CDC25C: variants seen among roughly 807,000 people sequenced by gnomAD.
The protein encoded by CDC25C is M-phase inducer phosphatase 3.
CDC25C carries 48 observed loss-of-function variants against 52.5 expected under a neutral mutation model. That is an observed-to-expected ratio of 0.91 (90% CI 0.72 to 1.16). The LOEUF (loss-of-function observed/expected upper bound fraction) is 1.16, where lower values mean the gene tolerates loss of function less well. CDC25C is among the 50% of genes most tolerant of loss of function. The probability of loss-of-function intolerance (pLI) is 0.00; values close to 1 mark genes in which losing one functional copy is unlikely to be tolerated. For synonymous variants in CDC25C, 187 were observed against 206.5 expected (o/e 0.91, Z 0.81); for missense variants, 510 against 566.1 (o/e 0.90, Z 1.01).
At chr5:138,296,614 T>A (rs944763728) in intron 7 of CDC25C, among the ~76,000 whole-genome samples, 9 of 149,752 alleles carry the variant, frequency 6.0e-5, no homozygotes, top group African/African-American at 2.2e-4. Flanking sequence ...AATTATTTTT[T>A]TTTTTTTTTG....
At chr5:138,310,591 A>G (rs962262294) in intron 7 of CDC25C, among the ~76,000 whole-genome samples, 1 of 152,236 alleles carries the variant, frequency 6.6e-6, no homozygotes, top group Non-Finnish European at 1.5e-5. Flanking sequence ...CTATTAATTG[A>G]TAAGTATTGC....
At chr5:138,294,900 C>T (rs111811392) in intron 7 of CDC25C, among the ~76,000 whole-genome samples, 58 of 152,262 alleles carry the variant, frequency 3.8e-4, no homozygotes, top group African/African-American at 1.3e-3. Flanking sequence ...CCACCAGCCT[C>T]GGCCTCCCAA....
At chr5:138,326,877 G>A (rs144145979) in intron 4 of CDC25C, among the ~76,000 whole-genome samples, 19,115 of 150,394 alleles carry the variant, frequency 0.13, 1,660 homozygotes, top group South Asian at 0.25. Flanking sequence ...GCTTGAACCC[G>A]GGAGGGAGAG....
rs1759828072 is a variant in CDC25C, at chr5:138,326,045, G to C, written c.345C>G (p.Asp115Glu). Residue 115 changes from aspartate (D) to glutamate (E), a missense_variant, in exon 5 of 14, where the codon GAC becomes GAG. Coordinates refer to ENST00000323760, the MANE Select transcript of CDC25C (RefSeq NM_001790.5). ...QEVHLAGMNH[D>E]QHLMKCSPAQ... Reference sequence around the variant, plus strand: ...CTGGGCTACATTTCATTAGGTGCTGGTCATGATTCCTGCAGATTAAAACAA... The same window carrying C: ...CTGGGCTACATTTCATTAGGTGCTGCTCATGATTCCTGCAGATTAAAACAA... The C allele has an allele frequency of 6.2e-7, 1 of 1,614,080 alleles. No individual in the cohort carries two copies. Among genetic ancestry groups the C allele is most frequent in the Admixed American group, 1.7e-5 (1 of 60,004 alleles).
chr5:138,294,650 G>A (rs956132686), intron 7 of CDC25C, among the ~76,000 whole-genome samples: 5 of 151,652 alleles, frequency 3.3e-5, no homozygotes, highest in Admixed American at 2.6e-4. Flanking sequence ...GACTACAGGC[G>A]CCCGCCACCA....
At chr5:138,321,399 A>G (rs1376395812) in intron 6 of CDC25C, among the ~76,000 whole-genome samples, 1 of 152,140 alleles carries the variant, frequency 6.6e-6, no homozygotes, top group African/African-American at 2.4e-5. Context: ...AGACTATCCA[A>G]TAATTGAACA....
upstream of CDC25C, chr5:138,336,710 G>A (rs969399307): frequency 2.0e-5 from 3 of 152,160 alleles, no homozygotes; most frequent in African/African-American, 7.2e-5. Flanking sequence ...ATGTAGCATG[G>A]TGTCTGGTAC....
At chr5:138,317,423 T>G (rs1758963165) in intron 7 of CDC25C, among the ~76,000 whole-genome samples, 2 of 152,116 alleles carry the variant, frequency 1.3e-5, no homozygotes, top group African/African-American at 4.8e-5. Context: ...CTCATGCCTG[T>G]AATCCCAGCA....
At chr5:138,319,539 G>T (rs1423540382) in intron 6 of CDC25C, among the ~76,000 whole-genome samples, 165 bp from the exon 7 acceptor site, 1 of 152,116 alleles carries the variant, frequency 6.6e-6, no homozygotes, top group African/African-American at 2.4e-5. Context: ...GAAAAAAACA[G>T]ATAAATTGGT....
rs750003932 is a variant in CDC25C, at chr5:138,285,999, TC to T, written c.1272+22del. 4.4e-6 allele frequency: 7 copies of T among 1,587,682 alleles called. No individual in the cohort carries two copies. The African/African-American group carries it at 8.1e-5, about 18-fold the overall frequency. The stretch of plus-strand genomic sequence containing the variant: ...GGGAGTTGAGTTGTTAAAGTTTGGC[TC>T]CCCGCATGCCCCACCCTTTACCATA... On this transcript the variant is annotated intron_variant, in intron 13 of 13. Transcript: ENST00000323760.
chr5:138,293,520 T>A (rs1052365596), intron 7 of CDC25C, among the ~76,000 whole-genome samples: 2 of 151,988 alleles, frequency 1.3e-5, no homozygotes, highest in African/African-American at 4.8e-5. Flanking sequence ...TAACTTCAAT[T>A]TTCCCCTGAG....
At position 138,329,625 on chromosome 5, in the gene CDC25C, C is replaced by G. The variant is rs753207415; in HGVS notation, c.217G>C (p.Asp73His). The G allele has an allele frequency of 1.1e-5, 17 of 1,611,962 alleles. No homozygotes were observed. Among genetic ancestry groups the G allele is most frequent in the Non-Finnish European group, 1.4e-5 (16 of 1,178,654 alleles). ...TCCCCACTGCTAAGATTCGAAAGAT[C>G]GAGGCAACGTTTTGGGGTTCCTCTG... ...LSGGTPKRCL[D>H]LSNLSSGEIT... The change falls in exon 3 of 14, where the codon GAT (aspartate) becomes CAT (histidine). Residue 73 changes from aspartate to histidine, a missense_variant. Transcript: ENST00000323760.
At chr5:138,306,754 G>A (rs1185844257) in intron 7 of CDC25C, among the ~76,000 whole-genome samples, 2 of 151,242 alleles carry the variant, frequency 1.3e-5, no homozygotes, top group Non-Finnish European at 2.9e-5. Flanking sequence ...GGGATTACAG[G>A]CGTGAGCCAA....
At chr5:138,288,531 T>C (rs1217696485) in intron 10 of CDC25C, among the ~76,000 whole-genome samples, 2 of 152,086 alleles carry the variant, frequency 1.3e-5, no homozygotes, top group Non-Finnish European at 2.9e-5. Flanking sequence ...ACCCCGTCTC[T>C]ACTAAAAATA....
chr5:138,310,660 A>G (rs1000608758), intron 7 of CDC25C, among the ~76,000 whole-genome samples: 1 of 152,224 alleles, frequency 6.6e-6, no homozygotes, highest in South Asian at 2.1e-4. Flanking sequence ...AAGAAATTGA[A>G]CACAAGGAGA....
intron 7 of CDC25C, among the ~76,000 whole-genome samples, chr5:138,295,620 G>GAAA (rs796089381): frequency 1.1e-5 from 1 of 93,424 alleles, no homozygotes; most frequent in Non-Finnish European, 2.3e-5. Context: ...CTTCTCTTAA[G>GAAA]AAAAAAAAAA....
At chr5:138,312,181 C>A (rs1758503848) in intron 7 of CDC25C, among the ~76,000 whole-genome samples, 1 of 152,106 alleles carries the variant, frequency 6.6e-6, no homozygotes, top group South Asian at 2.1e-4. Flanking sequence ...TATGACCCAG[C>A]AATTTTACTT....
upstream of CDC25C, chr5:138,335,553 G>T (rs1479262406): frequency 6.6e-6 from 1 of 152,212 alleles, no homozygotes; most frequent in Non-Finnish European, 1.5e-5. Flanking sequence ...GCATAATTAA[G>T]ATGCAGTTCA....
intron 7 of CDC25C, among the ~76,000 whole-genome samples, chr5:138,312,668 G>A (rs186938336): frequency 6.6e-5 from 10 of 152,272 alleles, no homozygotes; most frequent in Admixed American, 5.9e-4. Context: ...AAAGTAGAAT[G>A]GTGGTTGCCA....
Sources: allele counts gnomAD v4.1 joint callset (sites outside exome capture counted in the v4.1 genomes callset), GRCh38; gene constraint gnomAD v4.1.1; transcripts MANE v1.5; gene names NCBI Gene and HGNC (gene_info 2026-07-23, HGNC 2026-07-21).